ACOX3: variants seen among roughly 807,000 people sequenced by gnomAD.
The protein encoded by ACOX3 is acyl-CoA oxidase 3, pristanoyl, also known as peroxisomal acyl-coenzyme A oxidase 3.
ACOX3 carries 73 observed loss-of-function variants against 81.5 expected under a neutral mutation model. The observed-to-expected ratio is 0.90, with a 90% CI of 0.74 to 1.09. The LOEUF is 1.09. ACOX3 is among the 50% of genes least tolerant of loss of function. The probability of loss-of-function intolerance (pLI) is 0.00; values close to 1 mark genes in which losing one functional copy is unlikely to be tolerated. For synonymous variants in ACOX3, 387 were observed against 375.1 expected (o/e 1.03, Z -0.37); for missense variants, 947 against 928.0 (o/e 1.02, Z -0.27).
Position 8,404,242 on chromosome 4 carries a change from C to T in ACOX3, c.776+1713G>A, listed in dbSNP as rs1286925238. On this transcript the variant is annotated intron_variant, in intron 7 of 17. Coordinates refer to ENST00000356406, the MANE Select transcript of ACOX3 (RefSeq NM_003501.3). ...CTACACGGGCACCGTCCATGCCAAG[C>T]GCCTCCCAGGCACCCTGCGAAAGTA... Among the ~76,000 whole-genome samples, 4 of 152,174 alleles carry T rather than the reference C, an allele frequency of 2.6e-5. No individual in the cohort carries two copies. In the East Asian group the frequency reaches 5.8e-4, roughly 22 times the overall value.
At chr4:8,369,693 A>C (rs1273526442) in intron 17 of ACOX3, among the ~76,000 whole-genome samples, 7 of 152,216 alleles carry the variant, frequency 4.6e-5, no homozygotes, top group African/African-American at 1.4e-4. Flanking sequence ...CTCCCTGGCT[A>C]AGCCGGTAAG....
At chr4:8,429,696 G>A (rs1411762674) in intron 1 of ACOX3, among the ~76,000 whole-genome samples, 1 of 152,172 alleles carries the variant, frequency 6.6e-6, no homozygotes, top group African/African-American at 2.4e-5. Flanking sequence ...GGAAAAGGGA[G>A]AGTCTAAAAA....
At chr4:8,356,406 G>A in the ACOX3 span, 2 of 400,524 alleles carry the variant, frequency 5.0e-6, no homozygotes, top group Non-Finnish European at 1.0e-5. Flanking sequence ...CATGTGCACG[G>A]ATGGCTGCCA....
At chr4:8,388,469 A>G (rs544105843) in intron 13 of ACOX3, among the ~76,000 whole-genome samples, 39 of 152,388 alleles carry the variant, frequency 2.6e-4, no homozygotes, top group Middle Eastern at 3.4e-3. Context: ...GATCCAGCGC[A>G]GTCTACAGGG....
rs751024476 is a variant in ACOX3 at position 8,423,834 on chromosome 4, A to G, written c.-14-7299T>C. Among the ~76,000 whole-genome samples the G allele has an allele frequency of 6.6e-6, 1 of 152,204 alleles. No individual in the cohort carries two copies. Among genetic ancestry groups the G allele is most frequent in the South Asian group, 2.1e-4 (1 of 4,828 alleles). ...AACACACCTGGACTGTTTTACCCCAAGGGTTCATGGACAGCCCCCATCTAT... is the reference window on the plus strand; with the variant it reads ...AACACACCTGGACTGTTTTACCCCAGGGGTTCATGGACAGCCCCCATCTAT... On this transcript the variant is annotated intron_variant, in intron 1 of 17. Coordinates refer to ENST00000356406, the MANE Select transcript of ACOX3 (RefSeq NM_003501.3). The surrounding 1 kb of genome is among the most constrained non-coding windows in gnomAD (Gnocchi z 4.2).
chr4:8,386,364 A>G lies in ACOX3; in HGVS notation c.1537+2809T>C, dbSNP rs1718295562. On this transcript the variant is annotated intron_variant, in intron 13 of 17. Transcript: ENST00000356406. This position sits in a 1 kb window ranked among gnomAD's most constrained non-coding sequence, Gnocchi z 5.2. ...GGCGGATCACGAGGTCAGGATATCG[A>G]GACCATCCTGCCTAACACGGTGAAA... is the stretch of plus-strand genomic sequence containing the variant. 6.6e-6 allele frequency among the ~76,000 whole-genome samples: 1 copy of G among 152,070 alleles called. No individual in the cohort carries two copies. Among genetic ancestry groups the G allele is most frequent in the African/African-American group, 2.4e-5 (1 of 41,406 alleles).
Position 8,416,449 on chromosome 4 carries a change from G to A in ACOX3, c.73C>T (p.Arg25Ter), listed in dbSNP as rs1008690832. Reference sequence around the variant, plus strand: ...TTCCAGCTGAAGGACGCTCTTGCTCGGTAGGCATCGAGGGGCCCCCTGGGG... The same window carrying A: ...TTCCAGCTGAAGGACGCTCTTGCTCAGTAGGCATCGAGGGGCCCCCTGGGG... ...EFPRGPLDAYRARASFSWKEL... is the reference protein window; with the variant it reads ...EFPRGPLDAY The change falls in exon 2 of 18, where the codon CGA (arginine) becomes TGA (stop). Residue 25 changes from arginine to a stop codon, truncating the protein, a stop_gained. Transcript: ENST00000356406. LOFTEE classifies it high-confidence loss of function. This position sits in a 1 kb window ranked among gnomAD's most constrained non-coding sequence, Gnocchi z 4.2. 1.9e-5 allele frequency: 30 copies of A among 1,614,024 alleles called. No homozygotes were observed. The highest frequency in any genetic ancestry group is 2.2e-5 in the East Asian group (1 of 44,884).
In ACOX3 at chr4:8,389,966, G is replaced by T. The variant is rs1718766722; in HGVS notation, c.1301-232C>A. Among the ~76,000 whole-genome samples the T allele has an allele frequency of 6.6e-6, 1 of 152,004 alleles. No individual in the cohort carries two copies. Among genetic ancestry groups the T allele is most frequent in the Non-Finnish European group, 1.5e-5 (1 of 67,974 alleles). On this transcript the variant is annotated intron_variant, in intron 11 of 17. Transcript: ENST00000356406. The surrounding 1 kb of genome is among the most constrained non-coding windows in gnomAD (Gnocchi z 5.3). ...TAAAAATACAAAAATAGCCAGGTGT[G>T]GTGGTGTGTGCCTGTAATCTCAGCT...
intron 16 of ACOX3, among the ~76,000 whole-genome samples, chr4:8,372,190 T>C (rs1716299987): frequency 6.6e-6 from 1 of 152,176 alleles, no homozygotes; most frequent in South Asian, 2.1e-4. Flanking sequence ...CTCGAACACC[T>C]GGGCTCAAGC....
chr4:8,399,452 G>A lies in ACOX3; in HGVS notation c.873+104C>T, dbSNP rs1045863216. 1.4e-5 allele frequency: 14 copies of A among 1,010,652 alleles called. No individual in the cohort carries two copies. Among genetic ancestry groups the A allele is most frequent in the Admixed American group, 6.3e-5 (3 of 47,758 alleles). The allele number at this position is 1,010,652 out of a possible 1,614,324, so 62.6% of individuals were successfully genotyped here. On this transcript the variant is annotated intron_variant, in intron 8 of 17. Transcript: ENST00000356406. The surrounding 1 kb of genome is among the most constrained non-coding windows in gnomAD (Gnocchi z 4.9). ...TATGCCCCAGCGACACCTGGCCTAC[G>A]TGGAGGGGTCTCCTTTCCAGGTGCA...
At position 8,406,056 on chromosome 4, in the gene ACOX3, AC is replaced by A. The variant is rs771616420; in HGVS notation, c.688-14del. 6.2e-7 allele frequency: 1 copy of A among 1,612,588 alleles called. No individual in the cohort carries two copies. The highest frequency in any genetic ancestry group is 8.5e-7 in the Non-Finnish European group (1 of 1,178,792). The stretch of plus-strand genomic sequence containing the variant: ...TCGGGTCCCGGATCTATACAAAGCC[AC>A]AGAAAGCAGCAAACAGCAACTGTTA... On this transcript the variant is annotated splice_polypyrimidine_tract_variant and intron_variant, in intron 6 of 17. Coordinates refer to ENST00000356406, the MANE Select transcript of ACOX3 (RefSeq NM_003501.3). This position sits in a 1 kb window ranked among gnomAD's most constrained non-coding sequence, Gnocchi z 5.6.
rs563662039 is a variant in ACOX3, at chr4:8,430,215, T to G, written c.-15+10433A>C. Among the ~76,000 whole-genome samples the G allele has an allele frequency of 6.6e-6, 1 of 152,314 alleles. No homozygotes were observed. The highest frequency in any genetic ancestry group is 6.5e-5 in the Admixed American group (1 of 15,306). ...ATAATTATGGGTATCAGTGGGAGCG[T>G]CCGATTGCAAAAGCAGAAGGAAGGG... On this transcript the variant is annotated intron_variant, in intron 1 of 17. Coordinates refer to ENST00000356406, the MANE Select transcript of ACOX3 (RefSeq NM_003501.3). This position sits in a 1 kb window ranked among gnomAD's most constrained non-coding sequence, Gnocchi z 5.2.
chr4:8,395,933 T>G (rs1719645193), intron 9 of ACOX3, among the ~76,000 whole-genome samples: 1 of 152,262 alleles, frequency 6.6e-6, no homozygotes, highest in African/African-American at 2.4e-5. Flanking sequence ...AGTTAGCCTG[T>G]GCACTTTAAC....
chr4:8,434,870 TGACA>T (rs1724137587), intron 1 of ACOX3, among the ~76,000 whole-genome samples: 1 of 152,244 alleles, frequency 6.6e-6, no homozygotes, highest in African/African-American at 2.4e-5. Flanking sequence ...TTAAATTCCT[TGACA>T]AACAGGTGTG....
rs1446180689 is a variant in ACOX3 at position 8,370,233 on chromosome 4, T to C, written c.1983+675A>G. 6.6e-6 allele frequency among the ~76,000 whole-genome samples: 1 copy of C among 152,118 alleles called. No homozygotes were observed. Among genetic ancestry groups the C allele is most frequent in the Non-Finnish European group, 1.5e-5 (1 of 68,012 alleles). Reference sequence around the variant, plus strand: ...CGACAGACGGGGAGGCCAGTAAGGCTAGATCTGGTGGGCAGGAGGGGAGCG... The same window carrying C: ...CGACAGACGGGGAGGCCAGTAAGGCCAGATCTGGTGGGCAGGAGGGGAGCG... On this transcript the variant is annotated intron_variant, in intron 17 of 17. Coordinates refer to ENST00000356406, the MANE Select transcript of ACOX3 (RefSeq NM_003501.3). This position sits in a 1 kb window ranked among gnomAD's most constrained non-coding sequence, Gnocchi z 6.3.
intron 13 of ACOX3, among the ~76,000 whole-genome samples, chr4:8,387,797 C>T (rs1352456530): frequency 6.6e-6 from 1 of 152,184 alleles, no homozygotes; most frequent in Non-Finnish European, 1.5e-5. Context: ...CGCTCCGCCC[C>T]TCCCTGCGCT....
In ACOX3 at chr4:8,392,262, C is replaced by T. The variant is rs192666520; in HGVS notation, c.1300+71G>A. ...GATTTGGTCCTCAGGCCGCAGTCTG[C>T]CGACCCCTGGTCTAGAGTCAAACAG... On this transcript the variant is annotated intron_variant, in intron 11 of 17. Transcript: ENST00000356406. 52 of 1,370,074 alleles carry T rather than the reference C, an allele frequency of 3.8e-5. No homozygotes were observed. In the Admixed American group the frequency reaches 1.4e-3, roughly 38 times the overall value. The allele number at this position is 1,370,074 out of a possible 1,614,324, so 84.9% of individuals were successfully genotyped here. A position where few individuals can be genotyped will look rare whatever the true frequency, so the allele number is the denominator to read the frequency against.
chr4:8,414,320 G>A lies in ACOX3; in HGVS notation c.515C>T (p.Thr172Ile). 6.2e-7 allele frequency: 1 copy of A among 1,614,168 alleles called. No individual in the cohort carries two copies. Among genetic ancestry groups the A allele is most frequent in the South Asian group, 1.1e-5 (1 of 91,084 alleles). The change falls in exon 5 of 18, where the codon ACA becomes ATA. Residue 172 changes from threonine (T) to isoleucine (I), a missense_variant. Coordinates refer to ENST00000356406, the MANE Select transcript of ACOX3 (RefSeq NM_003501.3). The surrounding 1 kb of genome is among the most constrained non-coding windows in gnomAD (Gnocchi z 6.1). Reference sequence around the variant, plus strand: ...AGTGGCAGGATCGTAGTGGGCAGTTGTGCGAATGGCCTTGGTATTACTGCC... The same window carrying A: ...AGTGGCAGGATCGTAGTGGGCAGTTATGCGAATGGCCTTGGTATTACTGCC... ...SHGSNTKAIR[T>I]TAHYDPATEE...
chr4:8,364,981 G>A (rs1487111283), downstream of ACOX3, among the ~76,000 whole-genome samples: 3 of 152,148 alleles, frequency 2.0e-5, no homozygotes. This position sits in a 1 kb window ranked among gnomAD's most constrained non-coding sequence, Gnocchi z 5.0. Flanking sequence ...CAGAGGACTT[G>A]GGAGCCTGTT....
Sources: gnomAD v4.1 joint callset for allele counts (sites outside exome capture counted in the v4.1 genomes callset) on GRCh38, gnomAD v4.1.1 for gene constraint, Gnocchi (gnomAD v3.1) non-coding constraint, MANE v1.5 for transcripts, NCBI Gene and HGNC (gene_info 2026-07-23, HGNC 2026-07-21) for gene names.